The following ARHGAP24 variants were observed in gnomAD, a reference collection of about 807,000 sequenced individuals.
ARHGAP24 encodes the protein rho GTPase-activating protein 24.
ARHGAP24 carries 50 observed loss-of-function variants against 76.4 expected under a neutral mutation model. The observed-to-expected ratio is 0.65, with a 90% CI of 0.52 to 0.83. The LOEUF (loss-of-function observed/expected upper bound fraction) is 0.83. Among genes scored for constraint, ARHGAP24 ranks in the 40% least tolerant of loss-of-function variants. The pLI is 0.00. For synonymous variants in ARHGAP24, 345 were observed against 323.3 expected, an observed-to-expected ratio of 1.07 and a Z score of -0.72; for missense variants, 930 against 914.2, an observed-to-expected ratio of 1.02 and a Z score of -0.22.
chr4:85,621,378 C>A (rs541976834), intron 2 of ARHGAP24, among the ~76,000 whole-genome samples: 19 of 152,176 alleles, frequency 1.2e-4, no homozygotes, highest in Middle Eastern at 3.4e-3. Flanking sequence ...AATTTACATT[C>A]CCACCAATAG....
At chr4:85,852,719 C>A (rs1339181257) in intron 3 of ARHGAP24, among the ~76,000 whole-genome samples, 1 of 152,200 alleles carries the variant, frequency 6.6e-6, no homozygotes, top group Non-Finnish European at 1.5e-5. Flanking sequence ...CCCTCAGCTG[C>A]AGGTCTGTTG....
chr4:85,692,749 A>G (rs1723712684), intron 2 of ARHGAP24, among the ~76,000 whole-genome samples: 1 of 152,264 alleles, frequency 6.6e-6, no homozygotes, highest in East Asian at 1.9e-4. Context: ...TTGGTTTTCA[A>G]CTTTCTTCTG....
intron 3 of ARHGAP24, among the ~76,000 whole-genome samples, chr4:85,766,201 TGAAG>T (rs1398786745): frequency 1.3e-5 from 2 of 151,882 alleles, no homozygotes; most frequent in Non-Finnish European, 2.9e-5. Context: ...TCTATATAGA[TGAAG>T]GAAGTAGAGA....
At chr4:85,706,132 G>C (rs1342642356) in intron 2 of ARHGAP24, among the ~76,000 whole-genome samples, 1 of 152,148 alleles carries the variant, frequency 6.6e-6, no homozygotes, top group Non-Finnish European at 1.5e-5. Flanking sequence ...GATGAAGACA[G>C]AATTCAGGCA....
intron 2 of ARHGAP24, among the ~76,000 whole-genome samples, chr4:85,721,122 G>A (rs1031061336): frequency 3.9e-5 from 6 of 152,192 alleles, no homozygotes; most frequent in African/African-American, 1.2e-4. Flanking sequence ...ATAGCTGGGC[G>A]TGGTGGCTCA....
At position 85,942,441 on chromosome 4, in the gene ARHGAP24, A is replaced by T; in HGVS notation, c.599+168A>T. ...TTTCTATTAAGTTACAAAGTCAAAA[A>T]TTGGGCACCTTAGATATCTTTCTCT... On this transcript the variant is annotated intron_variant, in intron 5 of 9. Coordinates refer to ENST00000395184, the MANE Select transcript of ARHGAP24 (RefSeq NM_001025616.3). The T allele has an allele frequency of 9.2e-6, 7 of 757,958 alleles. No individual in the cohort carries two copies. The Admixed American group carries it at 1.4e-4, about 16-fold the overall frequency. 47.0% of individuals were successfully genotyped at this position (757,958 alleles called of 1,614,324 possible). A position where few individuals can be genotyped will look rare whatever the true frequency, so the allele number is the denominator to read the frequency against.
intron 2 of ARHGAP24, among the ~76,000 whole-genome samples, chr4:85,721,112 A>G (rs1304176523): frequency 5.3e-5 from 8 of 152,154 alleles, no homozygotes. Flanking sequence ...TAGAGAAAGG[A>G]TAGCTGGGCG....
At chr4:85,976,149 T>C (rs1330777046) in intron 7 of ARHGAP24, among the ~76,000 whole-genome samples, 2 of 152,212 alleles carry the variant, frequency 1.3e-5, no homozygotes, top group Non-Finnish European at 2.9e-5. Context: ...ATCTCCACAA[T>C]AGAAATGCCT....
chr4:85,936,640 A>G (rs1736649156), intron 4 of ARHGAP24, among the ~76,000 whole-genome samples: 1 of 152,212 alleles, frequency 6.6e-6, no homozygotes, highest in African/African-American at 2.4e-5. Flanking sequence ...CTAGTCCAGC[A>G]CAGGTTAGGC....
chr4:85,630,993 A>G (rs183289290), intron 2 of ARHGAP24, among the ~76,000 whole-genome samples: 2 of 151,978 alleles, frequency 1.3e-5, no homozygotes, highest in Non-Finnish European at 2.9e-5. Context: ...ACACGTATAT[A>G]TACACACACA....
intron 5 of ARHGAP24, among the ~76,000 whole-genome samples, chr4:85,953,977 G>T (rs1030406538): frequency 5.6e-4 from 86 of 152,246 alleles, no homozygotes; most frequent in Non-Finnish European, 2.1e-4. Context: ...AGGGATCAGA[G>T]GAAAGGAAGA....
chr4:85,957,587 T>A (rs1206958418), intron 5 of ARHGAP24, among the ~76,000 whole-genome samples: 18 of 152,226 alleles, frequency 1.2e-4, no homozygotes, highest in Non-Finnish European at 2.6e-4. Flanking sequence ...ATATCCTGTT[T>A]CTGTGGCACC....
At chr4:85,789,647 T>C (rs1001169612) in intron 3 of ARHGAP24, among the ~76,000 whole-genome samples, 5 of 152,220 alleles carry the variant, frequency 3.3e-5, no homozygotes, top group Non-Finnish European at 5.9e-5. Context: ...TCAGGTATTC[T>C]TCAGGGCTAC....
chr4:85,553,865 A>G (rs372985118), intron 1 of ARHGAP24, among the ~76,000 whole-genome samples: 1 of 151,902 alleles, frequency 6.6e-6, no homozygotes, highest in African/African-American at 2.4e-5. Flanking sequence ...GGTGTTGGTA[A>G]ATGGTTATTA....
chr4:85,586,464 T>C (rs567966855), intron 2 of ARHGAP24, among the ~76,000 whole-genome samples: 30 of 152,348 alleles, frequency 2.0e-4, no homozygotes, highest in African/African-American at 6.5e-4. Context: ...ATCATAATAC[T>C]ATTTTGGTGG....
chr4:85,951,196 A>T (rs17011266), intron 5 of ARHGAP24, among the ~76,000 whole-genome samples: 3,668 of 152,278 alleles, frequency 0.024, 175 homozygotes, highest in African/African-American at 0.085. Flanking sequence ...TCCCAGATCC[A>T]TGAATGGTGA....
intron 2 of ARHGAP24, among the ~76,000 whole-genome samples, chr4:85,672,065 C>A (rs1476321043): frequency 6.6e-6 from 1 of 152,146 alleles, no homozygotes; most frequent in African/African-American, 2.4e-5. Flanking sequence ...AAGGAGGAAA[C>A]AGGCTCAGAG....
chr4:85,526,801 A>G (rs912956066), intron 1 of ARHGAP24, among the ~76,000 whole-genome samples: 7 of 152,190 alleles, frequency 4.6e-5, no homozygotes, highest in African/African-American at 1.4e-4. Context: ...GAATACAAAC[A>G]TAAGGAAAAA....
intron 3 of ARHGAP24, among the ~76,000 whole-genome samples, chr4:85,868,393 T>C (rs1732330135): frequency 6.6e-6 from 1 of 152,132 alleles, no homozygotes; most frequent in Non-Finnish European, 1.5e-5. Flanking sequence ...AGCTAGTTTC[T>C]TCAGAATCAG....
Sources: allele counts gnomAD v4.1 joint callset (sites outside exome capture counted in the v4.1 genomes callset), GRCh38; gene constraint gnomAD v4.1.1; transcripts MANE v1.5; gene names NCBI Gene and HGNC (gene_info 2026-07-23, HGNC 2026-07-21).